ANKRD28: variants seen among roughly 807,000 people sequenced by gnomAD.
The protein encoded by ANKRD28 is serine/threonine-protein phosphatase 6 regulatory ankyrin repeat subunit A.
A neutral mutation model predicts 126.5 loss-of-function variants in ANKRD28; 44 were observed. The ratio of observed to expected loss-of-function variants is 0.35; its 90% CI spans 0.27 to 0.45. The LOEUF is 0.45. ANKRD28 is among the 20% of genes least tolerant of loss of function. The pLI, the probability that ANKRD28 is intolerant of heterozygous loss-of-function variation, is 1.00. For synonymous variants in ANKRD28, 442 were observed against 468.5 expected, an observed-to-expected ratio of 0.94 and a Z score of 0.73; for missense variants, 1,110 against 1,316.6, an observed-to-expected ratio of 0.84 and a Z score of 2.43.
At chr3:15,822,632 T>C (rs2060969242) in intron 1 of ANKRD28, among the ~76,000 whole-genome samples, 1 of 151,982 alleles carries the variant, frequency 6.6e-6, no homozygotes, top group Admixed American at 6.6e-5. Flanking sequence ...AGACACTGAA[T>C]TTACTAGACA....
intron 1 of ANKRD28, among the ~76,000 whole-genome samples, chr3:15,851,159 T>C (rs2061643226): frequency 6.6e-6 from 1 of 152,140 alleles, no homozygotes; most frequent in South Asian, 2.1e-4. Flanking sequence ...AAATAAATAC[T>C]TCTCCAAAAT....
chr3:15,688,439 T>C (rs1238188164), intron 18 of ANKRD28, among the ~76,000 whole-genome samples: 1 of 152,198 alleles, frequency 6.6e-6, no homozygotes, highest in African/African-American at 2.4e-5. Flanking sequence ...AAGTGATATA[T>C]AACTTCACTC....
chr3:15,786,363 C>CA (rs941599312), intron 2 of ANKRD28, among the ~76,000 whole-genome samples: 9 of 149,762 alleles, frequency 6.0e-5, no homozygotes, highest in Admixed American at 1.3e-4. Flanking sequence ...AAATCTATTA[C>CA]AAAAAAAAAG....
chr3:15,794,810 A>G (rs1209242900), intron 2 of ANKRD28, among the ~76,000 whole-genome samples: 1 of 152,244 alleles, frequency 6.6e-6, no homozygotes, highest in Non-Finnish European at 1.5e-5. Context: ...ACTTACAAGA[A>G]TCCTCATTTG....
rs1273705269 is a variant in ANKRD28, at chr3:15,679,503, T to C, written c.2450A>G (p.Asn817Ser). Residue 817 changes from asparagine (N) to serine (S), a missense_variant, in exon 22 of 28, where the codon AAT (asparagine) becomes AGT (serine). Asn to Ser is a conservative substitution (Grantham distance 46). Coordinates refer to ENST00000683139, the MANE Select transcript of ANKRD28 (RefSeq NM_001349278.2). Reference protein sequence around the residue: ...EQEVFQKTEGNAFSPLHCAVI... With the variant: ...EQEVFQKTEGSAFSPLHCAVI... ...GGCACAATGCAATGGACTAAAAGCATTTCCTTCCGTTTTCTGGAAAACTTC... is the reference window on the plus strand; with the variant it reads ...GGCACAATGCAATGGACTAAAAGCACTTCCTTCCGTTTTCTGGAAAACTTC... The C allele has an allele frequency of 6.2e-7, 1 of 1,613,918 alleles. No individual in the cohort carries two copies. The highest frequency in any genetic ancestry group is 1.7e-5 in the Admixed American group (1 of 59,992).
At chr3:15,738,522 AC>A (rs1412913728) in intron 4 of ANKRD28, 2 of 152,494 alleles carry the variant, frequency 1.3e-5, no homozygotes, top group Non-Finnish European at 2.9e-5. Context: ...GGGGCCGGGC[AC>A]AGTGGCGCGT....
chr3:15,794,913 A>G (rs780094858), intron 2 of ANKRD28, among the ~76,000 whole-genome samples: 3 of 152,234 alleles, frequency 2.0e-5, no homozygotes, highest in African/African-American at 7.2e-5. Context: ...AAATACAGAA[A>G]GCAAATGTGG....
intron 4 of ANKRD28, among the ~76,000 whole-genome samples, chr3:15,740,303 ACACAGGTGTATAC>A (rs2075360424): frequency 6.6e-6 from 1 of 152,226 alleles, no homozygotes; most frequent in Non-Finnish European, 1.5e-5. Context: ...GATAAAGGTT[ACACAGGTGTATAC>A]ATTTGGCAAA....
intron 3 of ANKRD28, among the ~76,000 whole-genome samples, chr3:15,762,209 A>AAC (rs1553624370): frequency 0.015 from 658 of 43,554 alleles, 3 homozygotes; most frequent in South Asian, 0.095. Context: ...AAAAAAAAAA[A>AAC]AAAACAAAAC....
chr3:15,760,312 A>G (rs1254569396), intron 3 of ANKRD28, among the ~76,000 whole-genome samples: 2 of 152,120 alleles, frequency 1.3e-5, no homozygotes, highest in East Asian at 1.9e-4. Context: ...TATATAACAC[A>G]CCTGCGCATG....
chr3:15,672,948 G>A (rs1035741630), intron 27 of ANKRD28, among the ~76,000 whole-genome samples: 2 of 152,166 alleles, frequency 1.3e-5, no homozygotes, highest in Non-Finnish European at 2.9e-5. Flanking sequence ...GCTAATTTTT[G>A]TATTTTTAGT....
intron 15 of ANKRD28, among the ~76,000 whole-genome samples, chr3:15,695,418 C>A (rs748394399): frequency 1.2e-4 from 18 of 152,046 alleles, no homozygotes; most frequent in African/African-American, 4.3e-4. Context: ...GTGTGAATAT[C>A]CATAACGTAG....
chr3:15,803,365 T>C (rs1045464740), intron 1 of ANKRD28, among the ~76,000 whole-genome samples: 3 of 152,110 alleles, frequency 2.0e-5, no homozygotes, highest in Non-Finnish European at 4.4e-5. Flanking sequence ...ACACCTGTAA[T>C]CCCAGCACTT....
rs1374969792 is a variant in ANKRD28 at position 15,814,535 on chromosome 3, TA to T, written c.28-19230del. Among the ~76,000 whole-genome samples, 7 of 152,296 alleles carry T rather than the reference TA, an allele frequency of 4.6e-5. No individual in the cohort carries two copies. The highest frequency in any genetic ancestry group is 1.7e-4 in the African/African-American group (7 of 41,572). Reference sequence around the variant, plus strand: ...TTTTTTAAAGGCTTTCTTTATATATTAAACAGAATTGGCTTCCCAGAAGAGA... The same window carrying T: ...TTTTTTAAAGGCTTTCTTTATATATTAACAGAATTGGCTTCCCAGAAGAGA... On this transcript the variant is annotated intron_variant, in intron 1 of 27. Transcript: ENST00000399451. The surrounding 1 kb of genome is among the most constrained non-coding windows in gnomAD (Gnocchi z 4.7).
intron 1 of ANKRD28, among the ~76,000 whole-genome samples, chr3:15,813,222 C>T (rs1427911516): frequency 6.6e-6 from 1 of 151,776 alleles, no homozygotes; most frequent in African/African-American, 2.4e-5. Flanking sequence ...AAAAATTAAC[C>T]GGGCATGGTG....
At chr3:15,741,209 A>C (rs1052112052) in intron 4 of ANKRD28, among the ~76,000 whole-genome samples, 1 of 152,090 alleles carries the variant, frequency 6.6e-6, no homozygotes. Context: ...AAAAAAAAAA[A>C]ACAAAAAACA....
chr3:15,791,586 T>C (rs1160800620), intron 2 of ANKRD28, among the ~76,000 whole-genome samples: 2 of 152,130 alleles, frequency 1.3e-5, no homozygotes, highest in African/African-American at 2.4e-5. Context: ...ACCAGACCCC[T>C]ATCTCTTGCC....
At chr3:15,785,396 G>A (rs1399344947) in intron 2 of ANKRD28, among the ~76,000 whole-genome samples, 2 of 151,998 alleles carry the variant, frequency 1.3e-5, no homozygotes, top group Non-Finnish European at 2.9e-5. Flanking sequence ...TTTAAAAAAC[G>A]GACCAAGGAC....
intron 1 of ANKRD28, among the ~76,000 whole-genome samples, chr3:15,859,135 C>T (rs2126015801): frequency 6.6e-6 from 1 of 152,328 alleles, no homozygotes; most frequent in East Asian, 1.9e-4. Context: ...TGGAACCCGC[C>T]CCTCTTGCTG....
Sources: allele counts gnomAD v4.1 joint callset (sites outside exome capture counted in the v4.1 genomes callset), GRCh38; gene constraint gnomAD v4.1.1; non-coding constraint Gnocchi (gnomAD v3.1); transcripts MANE v1.5; gene names NCBI Gene and HGNC (gene_info 2026-07-23, HGNC 2026-07-21).